TNRC18: variants seen among roughly 807,000 people sequenced by gnomAD.
TNRC18 encodes the protein trinucleotide repeat containing 18.
A neutral mutation model predicts 226.7 loss-of-function variants in TNRC18; 69 were observed. The ratio of observed to expected loss-of-function variants is 0.30; its 90% CI spans 0.25 to 0.37. The LOEUF (loss-of-function observed/expected upper bound fraction) is 0.37. TNRC18 is among the 10% of genes least tolerant of loss of function. TNRC18 has a pLI of 1.00. For missense variants in TNRC18, 4,754 were observed against 4,256.6 expected, an observed-to-expected ratio of 1.12 and a Z score of -3.25; for synonymous variants, 2,449 against 1,927.6, an observed-to-expected ratio of 1.27 and a Z score of -7.09.
intron 1 of TNRC18, among the ~76,000 whole-genome samples, chr7:5,422,019 C>T (rs943690063): frequency 3.3e-5 from 5 of 151,808 alleles, no homozygotes; most frequent in African/African-American, 1.2e-4. Context: ...GAACCGCCGA[C>T]GGAATGGTGT....
rs181076396 is a variant in TNRC18, at chr7:5,340,352, A to G, written c.5719+5210T>C. Reference sequence around the variant, plus strand: ...AATCCTCATCCACAGCAAGGCCCCAACTCTCTTCAATTCTGTGAAGGTTGA... The same window carrying G: ...AATCCTCATCCACAGCAAGGCCCCAGCTCTCTTCAATTCTGTGAAGGTTGA... On this transcript the variant is annotated intron_variant, in intron 18 of 29. Coordinates refer to ENST00000430969, the MANE Select transcript of TNRC18 (RefSeq NM_001080495.3). Among the ~76,000 whole-genome samples, 7 of 152,314 alleles carry G rather than the reference A, an allele frequency of 4.6e-5. No homozygotes were observed. In the East Asian group the frequency reaches 1.3e-3, roughly 29 times the overall value.
intron 2 of TNRC18, chr7:5,420,685 C>A: frequency 2.0e-6 from 1 of 502,946 alleles, no homozygotes; most frequent in Non-Finnish European, 3.9e-6. Flanking sequence ...GATTCGAGCT[C>A]GGGGAGCGGG....
At chr7:5,359,604 G>C in intron 14 of TNRC18, 35 bp from the exon 15 acceptor site, 1 of 1,611,338 alleles carries the variant, frequency 6.2e-7, no homozygotes, top group South Asian at 1.1e-5. Context: ...CAGCACCCTG[G>C]CCAGACAAGG....
intron 18 of TNRC18, 79 bp from the exon 19 acceptor site, chr7:5,333,128 C>T: frequency 6.7e-7 from 1 of 1,485,330 alleles, no homozygotes; most frequent in Non-Finnish European, 9.1e-7. Flanking sequence ...GGACACCATT[C>T]CTCCCCGGCG....
At chr7:5,367,934 A>C (rs1793769438) in intron 11 of TNRC18, among the ~76,000 whole-genome samples, 1 of 151,964 alleles carries the variant, frequency 6.6e-6, no homozygotes, top group African/African-American at 2.4e-5. Flanking sequence ...GCCTTGAAAA[A>C]TGTGGCCTTG....
At chr7:5,354,847 G>T (rs555678465) in intron 16 of TNRC18, among the ~76,000 whole-genome samples, 1 of 152,298 alleles carries the variant, frequency 6.6e-6, no homozygotes, top group Non-Finnish European at 1.5e-5. Context: ...CGTAAAGCAG[G>T]TGACGATATC....
At position 5,385,511 on chromosome 7, in the gene TNRC18, A is replaced by AG. The variant is rs1215628264; in HGVS notation, c.2152+2160_2152+2161insC. On this transcript the variant is annotated intron_variant, in intron 5 of 29. Transcript: ENST00000430969. ...CTCCGTCTCAAAAAAAAAAAAAAAA[A>AG]AAAAAAGAAAAAAAAATACAAAATT... Among the ~76,000 whole-genome samples, 36 of 147,728 alleles carry AG rather than the reference A, an allele frequency of 2.4e-4. No individual in the cohort carries two copies. The South Asian group carries it at 2.6e-3, about 11-fold the overall frequency.
At chr7:5,311,998 T>TGGTGGCGTGCGCCTGTAATCCCA (rs1300332714) in intron 27 of TNRC18, among the ~76,000 whole-genome samples, 6 of 151,912 alleles carry the variant, frequency 3.9e-5, no homozygotes, top group Admixed American at 2.0e-4. Flanking sequence ...TAGCCAGGCG[T>TGGTGGCGTGCGCCTGTAATCCCA]GGTGGCGTGC....
chr7:5,349,089 G>T (rs1344164977), intron 17 of TNRC18, among the ~76,000 whole-genome samples: 1 of 152,212 alleles, frequency 6.6e-6, no homozygotes, highest in Non-Finnish European at 1.5e-5. Context: ...TGGGGCTGCG[G>T]GGGGAGGGCG....
At chr7:5,345,189 AC>A (rs1034777722) in intron 18 of TNRC18, among the ~76,000 whole-genome samples, 5 of 152,114 alleles carry the variant, frequency 3.3e-5, no homozygotes, top group Non-Finnish European at 7.4e-5. Flanking sequence ...GGGTAACCCC[AC>A]GTCTCTCTCA....
At chr7:5,381,588 G>C (rs1779399069) in intron 5 of TNRC18, among the ~76,000 whole-genome samples, 1 of 151,980 alleles carries the variant, frequency 6.6e-6, no homozygotes, top group African/African-American at 2.4e-5. Flanking sequence ...CTGCACCACT[G>C]AACTCCAACC....
chr7:5,359,387 G>A lies in TNRC18; in HGVS notation c.4833+11C>T. On this transcript the variant is annotated intron_variant, in intron 15 of 29. Coordinates refer to ENST00000430969, the MANE Select transcript of TNRC18 (RefSeq NM_001080495.3). ...AAAGATCTCACACACCTGGAAGACT[G>A]GGTTACTCACCTGACTGATGAAGTC... The A allele has an allele frequency of 6.2e-7, 1 of 1,613,810 alleles. No individual in the cohort carries two copies. Among genetic ancestry groups the A allele is most frequent in the Non-Finnish European group, 8.5e-7 (1 of 1,179,792 alleles).
rs372266805 is a variant in TNRC18 at position 5,374,295 on chromosome 7, G to A, written c.2989C>T (p.Arg997Cys). 64 of 1,458,958 alleles carry A rather than the reference G, an allele frequency of 4.4e-5. No individual in the cohort carries two copies. In the African/African-American group the frequency reaches 7.5e-4, roughly 17 times the overall value. The allele number at this position is 1,458,958 out of a possible 1,614,324, so 90.4% of individuals were successfully genotyped here. The change falls in exon 10 of 30, where the codon CGC becomes TGC. Residue 997 changes from arginine (R) to cysteine (C), a missense_variant. Transcript: ENST00000430969. ...TTCAGGGCAGCCACAGGGGATGCGC[G>A]GGGTGATGGTGGCGGGCTCACGGCC... ...GKAVSPPPSP[R>C]ASPVAALKAK...
chr7:5,382,469 C>G (rs973433667), intron 5 of TNRC18, among the ~76,000 whole-genome samples: 2 of 152,192 alleles, frequency 1.3e-5, no homozygotes, highest in Non-Finnish European at 2.9e-5. Context: ...GCAGAGGCCC[C>G]GTTCCCATGG....
intron 17 of TNRC18, among the ~76,000 whole-genome samples, chr7:5,351,532 T>C (rs879332947): frequency 6.6e-5 from 10 of 151,722 alleles, no homozygotes; most frequent in Non-Finnish European, 1.0e-4. Flanking sequence ...GGAGGGCAAG[T>C]GGAGAGAAAC....
intron 18 of TNRC18, among the ~76,000 whole-genome samples, chr7:5,344,395 T>G (rs1386237395): frequency 6.6e-6 from 1 of 152,062 alleles, no homozygotes; most frequent in African/African-American, 2.4e-5. Flanking sequence ...TAGGTAGCCT[T>G]GTAGGGGGCC....
intron 18 of TNRC18, among the ~76,000 whole-genome samples, chr7:5,336,040 C>G (rs1256454233): frequency 6.6e-6 from 1 of 151,780 alleles, no homozygotes; most frequent in Admixed American, 6.6e-5. Context: ...AACCCCATCT[C>G]TACAAAAAAT....
chr7:5,356,795 A>AGAGAGAGAGCGAGAGC, intron 16 of TNRC18, 121 bp downstream of exon 16: 1 of 1,352,864 alleles, frequency 7.4e-7, no homozygotes, highest in Non-Finnish European at 9.8e-7. Context: ...AGTGCGCCCC[A>AGAGAGAGAGCGAGAGC]GAGAGAGAGC....
At chr7:5,353,307 C>T (rs553297402) in intron 16 of TNRC18, among the ~76,000 whole-genome samples, 4 of 152,118 alleles carry the variant, frequency 2.6e-5, no homozygotes, top group African/African-American at 7.2e-5. Context: ...GAGGCTGAGG[C>T]GGGCAGCTCA....
Sources: gnomAD v4.1 joint callset for allele counts (sites outside exome capture counted in the v4.1 genomes callset) on GRCh38, gnomAD v4.1.1 for gene constraint, MANE v1.5 for transcripts, NCBI Gene and HGNC (gene_info 2026-07-23, HGNC 2026-07-21) for gene names.